LARGE1: variants seen among roughly 807,000 people sequenced by gnomAD.
LARGE1 encodes the protein xylosyl- and glucuronyltransferase LARGE1.
In LARGE1, 43 loss-of-function variants were observed where a neutral mutation model predicts 87.6. That is an observed-to-expected ratio of 0.49 (90% CI 0.38 to 0.63). The LOEUF (loss-of-function observed/expected upper bound fraction) is 0.63. LARGE1 is among the 30% of genes least tolerant of loss of function. The probability of loss-of-function intolerance (pLI) is 0.00; values close to 1 mark genes in which losing one functional copy is unlikely to be tolerated. For missense variants in LARGE1, 802 were observed against 1,000.2 expected, an observed-to-expected ratio of 0.80 and a Z score of 2.67; for synonymous variants, 434 against 394.6, an observed-to-expected ratio of 1.10 and a Z score of -1.18.
chr22:33,321,004 C>A (rs1352447474), intron 10 of LARGE1: 3 of 152,214 alleles, frequency 2.0e-5, no homozygotes, highest in Non-Finnish European at 4.4e-5. Context: ...TGGCTAAGGA[C>A]ACTGGTTCTA....
At chr22:33,165,459 T>C (rs1922218490) in exon 12 of LARGE1, 1 of 152,222 alleles carries the variant, frequency 6.6e-6, no homozygotes, top group South Asian at 2.1e-4. Flanking sequence ...GCTGTGCCAT[T>C]TGAACCTCAC....
chr22:33,111,576 C>G, the LARGE1 span, among the ~76,000 whole-genome samples: 1 of 152,112 alleles, frequency 6.6e-6, no homozygotes, highest in Non-Finnish European at 1.5e-5. Flanking sequence ...GACAATTCCC[C>G]CCGTCCAGAC....
chr22:33,302,316 C>T (rs1428903107), intron 12 of LARGE1, among the ~76,000 whole-genome samples: 3 of 152,184 alleles, frequency 2.0e-5, no homozygotes, highest in East Asian at 1.9e-4. Context: ...GGTTGAGGCT[C>T]ATGGTGCTGG....
intron 6 of LARGE1, among the ~76,000 whole-genome samples, chr22:33,479,770 A>T (rs2069232514): frequency 6.7e-6 from 1 of 148,340 alleles, no homozygotes; most frequent in Admixed American, 6.7e-5. Context: ...TTTGAGACAG[A>T]GTCTCACTTT....
At chr22:33,621,649 T>C (rs2079758539) in intron 4 of LARGE1, among the ~76,000 whole-genome samples, 1 of 152,224 alleles carries the variant, frequency 6.6e-6, no homozygotes, top group Non-Finnish European at 1.5e-5. Context: ...CATAATGTGC[T>C]TGGGAAGCAA....
intron 9 of LARGE1, among the ~76,000 whole-genome samples, chr22:33,342,262 G>C (rs1469777911): frequency 6.6e-6 from 1 of 152,180 alleles, no homozygotes; most frequent in Non-Finnish European, 1.5e-5. Context: ...ATGTGGATCT[G>C]ACTGAGGAAA....
At chr22:33,637,418 C>T (rs1398364443) in intron 3 of LARGE1, among the ~76,000 whole-genome samples, 3 of 152,166 alleles carry the variant, frequency 2.0e-5, no homozygotes, top group Non-Finnish European at 2.9e-5. Context: ...TGGTCCCTTG[C>T]CTTGGCCATG....
intron 1 of LARGE1, among the ~76,000 whole-genome samples, chr22:33,786,902 A>T (rs1811103): frequency 0.9 from 136,067 of 151,784 alleles, 61,139 homozygotes; most frequent in East Asian, 0.97. Flanking sequence ...CTGCCTGTAG[A>T]CCCAGCTACT....
the LARGE1 span, among the ~76,000 whole-genome samples, chr22:33,136,717 T>C: frequency 6.6e-6 from 1 of 152,148 alleles, no homozygotes; most frequent in Non-Finnish European, 1.5e-5. Flanking sequence ...AGCCTTAAGA[T>C]GCAATTAGTT....
intron 13 of LARGE1, among the ~76,000 whole-genome samples, chr22:33,282,358 A>G (rs997170038): frequency 3.0e-5 from 4 of 132,396 alleles, no homozygotes; most frequent in African/African-American, 1.1e-4. Flanking sequence ...AAACAAACAA[A>G]CAAAACAAAC....
At chr22:33,138,380 A>T in the LARGE1 span, among the ~76,000 whole-genome samples, 5 of 152,068 alleles carry the variant, frequency 3.3e-5, no homozygotes, top group African/African-American at 1.2e-4. Context: ...TTTTGATTTT[A>T]CAGGCTGATA....
intron 11 of LARGE1, among the ~76,000 whole-genome samples, chr22:33,265,250 C>G (rs1471977374): frequency 6.6e-6 from 1 of 152,216 alleles, no homozygotes; most frequent in Non-Finnish European, 1.5e-5. Context: ...AGTTCTTGGA[C>G]TGCCTCTAGC....
At chr22:33,712,213 TG>T (rs767700646) in intron 2 of LARGE1, among the ~76,000 whole-genome samples, 28 of 151,572 alleles carry the variant, frequency 1.8e-4, no homozygotes, top group African/African-American at 5.6e-4. Context: ...ACCCTGGGGA[TG>T]GGGGAAAAAA....
At chr22:33,276,948 T>A in intron 14 of LARGE1, 112 bp downstream of exon 14, 3 of 1,036,522 alleles carry the variant, frequency 2.9e-6, no homozygotes, top group Non-Finnish European at 3.0e-6. Flanking sequence ...TCCTCAAGCA[T>A]ATCTTGTTCC....
intron 7 of LARGE1, among the ~76,000 whole-genome samples, chr22:33,408,216 C>G (rs527585053): frequency 4.3e-3 from 654 of 152,142 alleles, no homozygotes; most frequent in Non-Finnish European, 7.6e-3. Context: ...ATCTCCTGAC[C>G]TCAGGTGATC....
intron 6 of LARGE1, among the ~76,000 whole-genome samples, chr22:33,564,455 C>T (rs111693339): frequency 6.8e-4 from 103 of 152,286 alleles, no homozygotes; most frequent in Non-Finnish European, 8.8e-4. Context: ...GCCATATGAA[C>T]ATTTTCAAAA....
chr22:33,171,430 G>C (rs1381154166), intron 11 of LARGE1, among the ~76,000 whole-genome samples: 1 of 152,160 alleles, frequency 6.6e-6, no homozygotes. Context: ...ATGTCTCCAG[G>C]GCATGTCAGA....
chr22:33,714,003 T>TAACATAACATA (rs1392306020), intron 2 of LARGE1, among the ~76,000 whole-genome samples: 2 of 151,350 alleles, frequency 1.3e-5, no homozygotes, highest in Admixed American at 1.3e-4. Flanking sequence ...TAACATAACA[T>TAACATAACATA]AACATAACAT....
At chr22:33,087,860 G>A in the LARGE1 span, among the ~76,000 whole-genome samples, 9 of 152,270 alleles carry the variant, frequency 5.9e-5, no homozygotes, top group East Asian at 1.7e-3. Context: ...CCTTGAATCG[G>A]GAGGTGGAAG....
Sources: allele counts gnomAD v4.1 joint callset (sites outside exome capture counted in the v4.1 genomes callset), GRCh38; gene constraint gnomAD v4.1.1; transcripts MANE v1.5; gene names NCBI Gene and HGNC (gene_info 2026-07-23, HGNC 2026-07-21).